ARHGAP22: variants seen among roughly 807,000 people sequenced by gnomAD.
ARHGAP22 encodes rho GTPase-activating protein 22.
In ARHGAP22, 48 loss-of-function variants were observed where a neutral mutation model predicts 59.1. That is an observed-to-expected ratio of 0.81 (90% confidence interval 0.64 to 1.03). ARHGAP22 has a LOEUF of 1.03. Among genes scored for constraint, ARHGAP22 ranks in the 50% least tolerant of loss-of-function variants. The pLI is 0.00. For synonymous variants in ARHGAP22, 445 were observed against 416.4 expected (o/e 1.07, Z -0.84); for missense variants, 1,015 against 958.7 (o/e 1.06, Z -0.78).
At chr10:48,480,818 C>T (rs76911767) in intron 3 of ARHGAP22, among the ~76,000 whole-genome samples, 14 of 152,358 alleles carry the variant, frequency 9.2e-5, no homozygotes, top group East Asian at 1.9e-4. Context: ...ATGCACACAG[C>T]GAATGAGTGG....
At chr10:48,464,741 C>A (rs2047485278) in intron 4 of ARHGAP22, among the ~76,000 whole-genome samples, 1 of 152,156 alleles carries the variant, frequency 6.6e-6, no homozygotes, top group Non-Finnish European at 1.5e-5. Flanking sequence ...GGAGCTGCCT[C>A]CCTTTCCTGG....
At chr10:48,622,558 A>G (rs968173675) in intron 1 of ARHGAP22, among the ~76,000 whole-genome samples, 1 of 152,208 alleles carries the variant, frequency 6.6e-6, no homozygotes, top group African/African-American at 2.4e-5. Flanking sequence ...TAGCATATTC[A>G]TCACCTCAAA....
At chr10:48,467,436 AG>A (rs1200906500) in intron 4 of ARHGAP22, among the ~76,000 whole-genome samples, 1 of 151,952 alleles carries the variant, frequency 6.6e-6, no homozygotes, top group African/African-American at 2.4e-5. Flanking sequence ...GGGAGTCCCA[AG>A]GGTAGGAGGG....
chr10:48,611,445 G>A (rs1328645631), intron 1 of ARHGAP22, among the ~76,000 whole-genome samples: 3 of 152,138 alleles, frequency 2.0e-5, no homozygotes, highest in Non-Finnish European at 4.4e-5. Flanking sequence ...TGCATCAGCT[G>A]CCCAGGCTCC....
intron 3 of ARHGAP22, among the ~76,000 whole-genome samples, chr10:48,548,563 C>A (rs894504310): frequency 1.3e-5 from 2 of 152,176 alleles, no homozygotes; most frequent in African/African-American, 4.8e-5. Flanking sequence ...TGGGGACAGG[C>A]CTGCTCTGGG....
At chr10:48,626,633 C>T (rs2061458797) in intron 1 of ARHGAP22, among the ~76,000 whole-genome samples, 1 of 152,194 alleles carries the variant, frequency 6.6e-6, no homozygotes, top group Non-Finnish European at 1.5e-5. Context: ...GCCCAATATC[C>T]AGCCCTGTGG....
At chr10:48,520,878 T>C (rs548370431) in intron 3 of ARHGAP22, among the ~76,000 whole-genome samples, 242 of 152,250 alleles carry the variant, frequency 1.6e-3, no homozygotes, top group African/African-American at 5.2e-3. Context: ...AGTCCGCTCC[T>C]GCCCCTCGCT....
chr10:48,472,492 C>A (rs2048323513), intron 4 of ARHGAP22, among the ~76,000 whole-genome samples: 1 of 151,948 alleles, frequency 6.6e-6, no homozygotes, highest in African/African-American at 2.4e-5. Context: ...CCACTGCACT[C>A]CAGCCTGGGC....
At chr10:48,453,988 G>T in intron 7 of ARHGAP22, 100 bp downstream of exon 7, 1 of 1,264,658 alleles carries the variant, frequency 7.9e-7, no homozygotes, top group Non-Finnish European at 1.2e-6. Context: ...AATGACCCGG[G>T]CCCCCCTCTG....
chr10:48,440,987 T>C, the ARHGAP22 span, among the ~76,000 whole-genome samples: 1 of 152,182 alleles, frequency 6.6e-6, no homozygotes, highest in Non-Finnish European at 1.5e-5. Context: ...ACACAAGAGA[T>C]GGTGCAAGGA....
chr10:48,455,339 G>A (rs931582385), intron 5 of ARHGAP22, among the ~76,000 whole-genome samples: 3 of 152,190 alleles, frequency 2.0e-5, no homozygotes, highest in African/African-American at 4.8e-5. Flanking sequence ...GGGCAGGGAC[G>A]ACTAAGTATC....
intron 7 of ARHGAP22, 148 bp from the exon 8 acceptor site, chr10:48,453,573 C>G (rs547686902): frequency 8.2e-7 from 1 of 1,225,124 alleles, no homozygotes; most frequent in Admixed American, 2.3e-5. Flanking sequence ...CTGCCAGGCT[C>G]GATGAGGGAA....
intron 6 of ARHGAP22, 30 bp from the exon 7 acceptor site, chr10:48,454,191 C>A: frequency 6.3e-7 from 1 of 1,596,584 alleles, no homozygotes; most frequent in Non-Finnish European, 8.6e-7. Context: ...ATTTCAAACA[C>A]CGGCAATGAG....
Position 48,455,058 on chromosome 10 carries a change from C to A in ARHGAP22, c.736G>T (p.Ala246Ser). ...RELPEPVVPFARYEDFLSCAQ... is the reference protein window; with the variant it reads ...RELPEPVVPFSRYEDFLSCAQ... The stretch of plus-strand genomic sequence containing the variant: ...CAGCTGAGGAAGTCCTCGTACCTGG[C>A]GAAGGGGACCACGGGCTCGGGGAGC... The change falls in exon 6 of 10, where the codon GCC becomes TCC. Residue 246 changes from alanine to serine, a missense_variant. By Grantham distance (99) the Ala-to-Ser change is moderately conservative. Coordinates refer to ENST00000249601, the MANE Select transcript of ARHGAP22 (RefSeq NM_021226.4). 1 of 1,612,308 alleles carries A rather than the reference C, an allele frequency of 6.2e-7. No homozygotes were observed. The highest frequency in any genetic ancestry group is 1.3e-5 in the African/African-American group (1 of 75,044).
At chr10:48,472,892 G>A (rs778139824) in intron 4 of ARHGAP22, among the ~76,000 whole-genome samples, 2 of 152,134 alleles carry the variant, frequency 1.3e-5, no homozygotes, top group Non-Finnish European at 2.9e-5. Flanking sequence ...TGTACTGCCA[G>A]TGGGAATATA....
chr10:48,652,181 A>G (rs1328391610), intron 1 of ARHGAP22: 2 of 1,491,026 alleles, frequency 1.3e-6, no homozygotes, highest in Non-Finnish European at 1.8e-6. Flanking sequence ...CTCAAGCAAG[A>G]AGTCAAATGC....
At chr10:48,607,318 C>T (rs1331320092), upstream of ARHGAP22, among the ~76,000 whole-genome samples, 1 of 152,138 alleles carries the variant, frequency 6.6e-6, no homozygotes, top group Non-Finnish European at 1.5e-5. Flanking sequence ...GGGCTCACAC[C>T]CCAGAAGTCA....
chr10:48,654,802 CTTTCTTTCTTTCTTTCTTTCTTT>C (rs1482042655), upstream of ARHGAP22, among the ~76,000 whole-genome samples: 6,336 of 141,328 alleles, frequency 0.045, 197 homozygotes, highest in Middle Eastern at 0.085. Context: ...TTCTTTCTTT[CTTTCTTTCTTTCTTTCTTTCTTT>C]CTTCCTTCCT....
At chr10:48,431,354 C>A in the ARHGAP22 span, 1 of 848,974 alleles carries the variant, frequency 1.2e-6, no homozygotes, top group Non-Finnish European at 1.9e-6. Context: ...GCAGTTCTTC[C>A]CATATTTACA....
Sources: allele counts gnomAD v4.1 joint callset (sites outside exome capture counted in the v4.1 genomes callset), GRCh38; gene constraint gnomAD v4.1.1; transcripts MANE v1.5; gene names NCBI Gene and HGNC (gene_info 2026-07-23, HGNC 2026-07-21).